Variants in GNA12 observed in about 807,000 individuals in gnomAD.
GNA12 encodes the protein guanine nucleotide-binding protein subunit alpha-12.
GNA12 carries 9 observed loss-of-function variants against 26.0 expected under a neutral mutation model. The observed-to-expected ratio is 0.35, with a 90% CI of 0.21 to 0.60. The LOEUF is 0.60. Among genes scored for constraint, GNA12 ranks in the 20% least tolerant of loss-of-function variants. GNA12 has a pLI of 0.78. For synonymous variants in GNA12, 264 were observed against 219.6 expected (o/e 1.20, Z -1.79); for missense variants, 405 against 525.8 (o/e 0.77, Z 2.25).
In GNA12 at chr7:2,730,067, T is replaced by C. The variant is rs1789811200; in HGVS notation, c.*1114A>G. Reference sequence around the variant, plus strand: ...AGGCACGGCTGTCCAAAGGCACTGGTGGAGCGGCAGTTTGGAGAAACTCAA... The same window carrying C: ...AGGCACGGCTGTCCAAAGGCACTGGCGGAGCGGCAGTTTGGAGAAACTCAA... On this transcript the variant is annotated 3_prime_UTR_variant, in exon 4 of 4. Coordinates refer to ENST00000275364, the MANE Select transcript of GNA12 (RefSeq NM_007353.3). 1 of 152,252 alleles carries C rather than the reference T, an allele frequency of 6.6e-6. No homozygotes were observed. The highest frequency in any genetic ancestry group is 2.1e-4 in the South Asian group (1 of 4,820). The allele number at this position is 152,252 out of a possible 1,614,324, so 9.4% of individuals were successfully genotyped here.
At chr7:2,808,975 C>G (rs74919938) in intron 1 of GNA12, among the ~76,000 whole-genome samples, 12 of 152,220 alleles carry the variant, frequency 7.9e-5, no homozygotes, top group African/African-American at 2.9e-4. Context: ...GATAGCCGCA[C>G]GGCTCACTTC....
chr7:2,753,223 T>C (rs954280687), intron 2 of GNA12, among the ~76,000 whole-genome samples: 4 of 152,076 alleles, frequency 2.6e-5, no homozygotes, highest in Non-Finnish European at 5.9e-5. Flanking sequence ...GGCATGATCA[T>C]GGCTCACTGC....
intron 2 of GNA12, among the ~76,000 whole-genome samples, chr7:2,793,197 G>T (rs1032440940): frequency 3.9e-5 from 6 of 152,220 alleles, no homozygotes; most frequent in African/African-American, 1.4e-4. Flanking sequence ...GAAAGATCAA[G>T]GAGCTATCAT....
intron 1 of GNA12, among the ~76,000 whole-genome samples, chr7:2,806,457 C>CAAAAAAAAAA (rs34036056): frequency 9.9e-5 from 8 of 80,702 alleles, no homozygotes; most frequent in African/African-American, 3.0e-4. Context: ...GACTCTGTCT[C>CAAAAAAAAAA]AAAAAAAAAA....
chr7:2,757,129 C>CTTTTTTTTTTTT (rs71026549), intron 2 of GNA12, among the ~76,000 whole-genome samples: 3 of 94,004 alleles, frequency 3.2e-5, no homozygotes, highest in African/African-American at 1.3e-4. Context: ...TCAGGTGGGC[C>CTTTTTTTTTTTT]TTTTTTTTTT....
chr7:2,804,001 C>T (rs1178715955), intron 1 of GNA12, among the ~76,000 whole-genome samples: 1 of 152,160 alleles, frequency 6.6e-6, no homozygotes, highest in African/African-American at 2.4e-5. Flanking sequence ...TCCTGTTCTT[C>T]CAGGGGTCAG....
intron 1 of GNA12, among the ~76,000 whole-genome samples, chr7:2,805,145 A>C (rs1046611510): frequency 3.9e-5 from 6 of 152,198 alleles, no homozygotes; most frequent in Non-Finnish European, 8.8e-5. Context: ...CAAATAAATA[A>C]GCAGATGCAG....
chr7:2,747,669 A>C (rs1790832366), intron 2 of GNA12, among the ~76,000 whole-genome samples: 1 of 152,228 alleles, frequency 6.6e-6, no homozygotes, highest in Non-Finnish European at 1.5e-5. Context: ...AGTCCTAGGC[A>C]GGGCAATCAG....
chr7:2,828,345 C>T (rs935257251), intron 1 of GNA12, among the ~76,000 whole-genome samples: 1 of 152,156 alleles, frequency 6.6e-6, no homozygotes, highest in African/African-American at 2.4e-5. Flanking sequence ...TTGCTGTAGA[C>T]AATAGTTATT....
intron 1 of GNA12, among the ~76,000 whole-genome samples, chr7:2,815,541 G>A (rs1455332254): frequency 1.3e-5 from 2 of 152,186 alleles, no homozygotes; most frequent in Admixed American, 6.5e-5. Flanking sequence ...GCCAAGCACT[G>A]GACAACCAGG....
At chr7:2,814,991 G>T (rs1411547105) in intron 1 of GNA12, 1 of 1,547,380 alleles carries the variant, frequency 6.5e-7, no homozygotes. Context: ...GGACGTCACT[G>T]TATCCAGGTC....
chr7:2,829,495 T>A (rs562570044), intron 1 of GNA12, among the ~76,000 whole-genome samples: 1 of 152,242 alleles, frequency 6.6e-6, no homozygotes, highest in African/African-American at 2.4e-5. Context: ...GATGCACCTA[T>A]GAGATCTATG....
At chr7:2,800,458 C>A (rs1304072312) in intron 1 of GNA12, among the ~76,000 whole-genome samples, 3 of 152,192 alleles carry the variant, frequency 2.0e-5, no homozygotes, top group African/African-American at 7.2e-5. Context: ...TGTCCCAAAG[C>A]CCGTCTCCTG....
chr7:2,763,516 C>T (rs1411378145), intron 2 of GNA12, among the ~76,000 whole-genome samples: 1 of 152,218 alleles, frequency 6.6e-6, no homozygotes, highest in East Asian at 1.9e-4. Flanking sequence ...GAGGATGAAG[C>T]TCCAGTCCAT....
chr7:2,768,491 C>G (rs1168536884), intron 2 of GNA12, among the ~76,000 whole-genome samples: 2 of 152,060 alleles, frequency 1.3e-5, no homozygotes, highest in African/African-American at 4.8e-5. Flanking sequence ...GAAATCACAT[C>G]CTAGAGTCCT....
At chr7:2,738,116 A>G (rs999436149) in intron 2 of GNA12, among the ~76,000 whole-genome samples, 1 of 152,142 alleles carries the variant, frequency 6.6e-6, no homozygotes, top group African/African-American at 2.4e-5. Flanking sequence ...TTGCTAATTT[A>G]TCATCCCCAA....
chr7:2,739,083 C>T (rs1009455120), intron 2 of GNA12, among the ~76,000 whole-genome samples: 3 of 152,310 alleles, frequency 2.0e-5, no homozygotes, highest in East Asian at 3.9e-4. Context: ...GTGTCCTCGG[C>T]GTGTGCAGGG....
intron 1 of GNA12, chr7:2,836,086 GAAT>G (rs1778829424): frequency 4.1e-6 from 1 of 241,820 alleles, no homozygotes. Flanking sequence ...AAGAAAAAAA[GAAT>G]AAACTAGAAA....
chr7:2,779,402 C>T (rs144993599), intron 2 of GNA12, among the ~76,000 whole-genome samples: 1 of 151,654 alleles, frequency 6.6e-6, no homozygotes, highest in Non-Finnish European at 1.5e-5. Flanking sequence ...TCTAGTTACT[C>T]GAGAGACTGA....
Sources: allele counts gnomAD v4.1 joint callset (sites outside exome capture counted in the v4.1 genomes callset), GRCh38; gene constraint gnomAD v4.1.1; transcripts MANE v1.5; gene names NCBI Gene and HGNC (gene_info 2026-07-23, HGNC 2026-07-21).